The following APLF variants were observed in gnomAD, a reference collection of about 807,000 sequenced individuals.
APLF encodes aprataxin and PNKP like factor.
In APLF, 61 loss-of-function variants were observed where a neutral mutation model predicts 55.6. That is an observed-to-expected ratio of 1.10 (90% CI 0.89 to 1.36). APLF has a LOEUF of 1.36. APLF is among the 40% of genes most tolerant of loss of function. The probability of loss-of-function intolerance (pLI) is 0.00; values close to 1 mark genes in which losing one functional copy is unlikely to be tolerated. For missense variants in APLF, 611 were observed against 602.5 expected (o/e 1.01, Z -0.15); for synonymous variants, 207 against 214.8 (o/e 0.96, Z 0.32).
At chr2:68,565,510 G>GATAC (rs1422589936) in intron 8 of APLF, among the ~76,000 whole-genome samples, 21 of 144,364 alleles carry the variant, frequency 1.5e-4, no homozygotes, top group East Asian at 1.2e-3. Context: ...CAGATAGACA[G>GATAC]ATAGATACAT....
chr2:68,518,757 TAAA>T (rs1179810066), intron 5 of APLF, among the ~76,000 whole-genome samples: 3 of 121,034 alleles, frequency 2.5e-5, no homozygotes, highest in Admixed American at 1.0e-4. Context: ...TAATATATAA[TAAA>T]ATATTAATAA....
At chr2:68,514,445 G>A (rs1356986346) in intron 5 of APLF, among the ~76,000 whole-genome samples, 2 of 151,700 alleles carry the variant, frequency 1.3e-5, no homozygotes, top group Admixed American at 1.3e-4. Flanking sequence ...TGTTCTGATA[G>A]CAATTAATTT....
intron 9 of APLF, among the ~76,000 whole-genome samples, chr2:68,570,106 T>C (rs928879653): frequency 2.6e-5 from 4 of 152,052 alleles, no homozygotes; most frequent in Non-Finnish European, 4.4e-5. Flanking sequence ...TAACAGTTTA[T>C]ATAGTGCATT....
chr2:68,561,008 G>C (rs1671153813), intron 8 of APLF, among the ~76,000 whole-genome samples: 1 of 151,970 alleles, frequency 6.6e-6, no homozygotes. Flanking sequence ...AAATGTGTGA[G>C]ATATGACAGG....
chr2:68,506,249 T>C (rs1676870146), intron 3 of APLF, among the ~76,000 whole-genome samples: 1 of 133,804 alleles, frequency 7.5e-6, no homozygotes, highest in South Asian at 2.1e-4. Flanking sequence ...TTAACCCTAG[T>C]TATTAGATTA....
intron 9 of APLF, among the ~76,000 whole-genome samples, chr2:68,576,757 TTATAAC>T (rs1167414625): frequency 6.6e-6 from 1 of 152,184 alleles, no homozygotes; most frequent in African/African-American, 2.4e-5. Flanking sequence ...ATTTTTAAAA[TTATAAC>T]TATATGTTGC....
chr2:68,567,216 T>C, intron 8 of APLF, 125 bp from the exon 9 acceptor site: 1 of 723,776 alleles, frequency 1.4e-6, no homozygotes, highest in Non-Finnish European at 2.3e-6. Context: ...ACAAATGCTT[T>C]TTCATAAGAG....
chr2:68,485,112 T>G (rs1034611698), intron 1 of APLF, among the ~76,000 whole-genome samples: 3 of 152,142 alleles, frequency 2.0e-5, no homozygotes, highest in Non-Finnish European at 2.9e-5. Flanking sequence ...TGTTATTATA[T>G]TCTAGAAATG....
intron 1 of APLF, among the ~76,000 whole-genome samples, chr2:68,489,576 A>G (rs1676291816): frequency 6.6e-6 from 1 of 152,224 alleles, no homozygotes; most frequent in Non-Finnish European, 1.5e-5. Flanking sequence ...CAGGAAGCAA[A>G]TAGATATTTT....
chr2:68,546,965 CA>C (rs1238914642), intron 8 of APLF, among the ~76,000 whole-genome samples: 2 of 151,690 alleles, frequency 1.3e-5, no homozygotes, highest in Non-Finnish European at 3.0e-5. Context: ...TTTGTGTTAA[CA>C]GATGGTATTA....
In APLF at chr2:68,562,995, C is replaced by G. The variant is rs1185516219; in HGVS notation, c.1287-4346C>G. On this transcript the variant is annotated intron_variant, in intron 8 of 9. Transcript: ENST00000303795. The stretch of plus-strand genomic sequence containing the variant: ...TGTTTACCATCAAAGAGAATAAATA[C>G]CCCAACAGCAAATTTTTGAGCCTGT... 3 of 857,908 alleles carry G rather than the reference C, an allele frequency of 3.5e-6. No homozygotes were observed. In the African/African-American group the frequency reaches 5.5e-5, roughly 16 times the overall value. 53.1% of individuals were successfully genotyped at this position (857,908 alleles called of 1,614,324 possible).
Position 68,578,892 on chromosome 2 carries a change from T to C in APLF, c.*870T>C. On this transcript the variant is annotated 3_prime_UTR_variant, in exon 10 of 10. Transcript: ENST00000303795. ...AAGTTCAAGATTCTGGCCTCCCATA[T>C]CAAGAAGAAACCACTTATTCTCCAG... The C allele has an allele frequency of 1.0e-6, 1 of 985,320 alleles. No homozygotes were observed. The highest frequency in any genetic ancestry group is 1.2e-6 in the Non-Finnish European group (1 of 829,878). 61.0% of individuals were successfully genotyped at this position (985,320 alleles called of 1,614,324 possible). A position where few individuals can be genotyped will look rare whatever the true frequency, so the allele number is the denominator to read the frequency against.
At chr2:68,518,939 A>T (rs1450637614) in intron 5 of APLF, among the ~76,000 whole-genome samples, 6 of 123,586 alleles carry the variant, frequency 4.9e-5, no homozygotes, top group Non-Finnish European at 9.4e-5. Context: ...ATATTAATAT[A>T]TTATATAATA....
intron 7 of APLF, 108 bp downstream of exon 7, chr2:68,538,335 G>T: frequency 6.4e-6 from 6 of 941,948 alleles, no homozygotes; most frequent in Non-Finnish European, 9.2e-6. Flanking sequence ...CTGGCCTAAA[G>T]GTTAGGGGCT....
chr2:68,531,321 G>A (rs1396470790), intron 6 of APLF: 1 of 152,208 alleles, frequency 6.6e-6, no homozygotes, highest in African/African-American at 2.4e-5. Flanking sequence ...TAGTCCCATG[G>A]CTGAGCTCTG....
At chr2:68,547,502 A>G (rs1238803476) in intron 8 of APLF, among the ~76,000 whole-genome samples, 1 of 151,784 alleles carries the variant, frequency 6.6e-6, no homozygotes, top group African/African-American at 2.4e-5. Flanking sequence ...GGGCACAAAG[A>G]TAAAGTAACA....
chr2:68,569,273 G>A (rs1208143315), intron 9 of APLF, among the ~76,000 whole-genome samples: 1 of 152,056 alleles, frequency 6.6e-6, no homozygotes. Context: ...AAATCTCCAG[G>A]GAAAGGGAGG....
At position 68,467,781 on chromosome 2, in the gene APLF, C is replaced by T. The variant is rs1675474694; in HGVS notation, c.50C>T (p.Ala17Val). ...LQPRDGGPRV[A>V]LAPGETVIGR... ...CCGCGGGACGGCGGTCCCCGGGTGGCCCTGGCGCCCGGGGAGACGGTGATC... is the reference window on the plus strand; with the variant it reads ...CCGCGGGACGGCGGTCCCCGGGTGGTCCTGGCGCCCGGGGAGACGGTGATC... Residue 17 changes from alanine to valine, a missense_variant, in exon 1 of 10, where the codon GCC becomes GTC. Transcript: ENST00000303795. 1 of 1,234,312 alleles carries T rather than the reference C, an allele frequency of 8.1e-7. No homozygotes were observed. The highest frequency in any genetic ancestry group is 3.2e-5 in the East Asian group (1 of 31,712). 76.5% of individuals were successfully genotyped at this position (1,234,312 alleles called of 1,614,324 possible). A position where few individuals can be genotyped will look rare whatever the true frequency, so the allele number is the denominator to read the frequency against.
chr2:68,477,106 TACAC>T lies in APLF; in HGVS notation c.96+9285_96+9288del, dbSNP rs769229459. ...TAAAAAGGTAAAATTTATCAAAACA[TACAC>T]ACACAAACACAGAGTGTACATAGTG... On this transcript the variant is annotated intron_variant, in intron 1 of 9. Coordinates refer to ENST00000303795, the MANE Select transcript of APLF (RefSeq NM_173545.3). Among the ~76,000 whole-genome samples, 29 of 152,300 alleles carry T rather than the reference TACAC, an allele frequency of 1.9e-4. No individual in the cohort carries two copies. In the East Asian group the frequency reaches 4.6e-3, roughly 24 times the overall value.
Sources: gnomAD v4.1 joint callset for allele counts (sites outside exome capture counted in the v4.1 genomes callset) on GRCh38, gnomAD v4.1.1 for gene constraint, MANE v1.5 for transcripts, NCBI Gene and HGNC (gene_info 2026-07-23, HGNC 2026-07-21) for gene names.